The following LARP4B variants were observed in gnomAD, a reference collection of about 807,000 sequenced individuals.
LARP4B encodes the protein La ribonucleoprotein 4B.
A neutral mutation model predicts 89.8 loss-of-function variants in LARP4B; 12 were observed. That is an observed-to-expected ratio of 0.13 (90% CI 0.09 to 0.22). LARP4B has a LOEUF of 0.22. Ranked by LOEUF, LARP4B falls within the 10% of genes least tolerant of loss-of-function variation. LARP4B has a pLI of 1.00. For synonymous variants in LARP4B, 367 were observed against 363.3 expected (o/e 1.01, Z -0.12); for missense variants, 757 against 947.7 (o/e 0.80, Z 2.64).
rs1835530164 is a variant in LARP4B at position 878,192 on chromosome 10, C to T, written c.141+6255G>A. Among the ~76,000 whole-genome samples, 3 of 152,172 alleles carry T rather than the reference C, an allele frequency of 2.0e-5. No homozygotes were observed. In the South Asian group the frequency reaches 6.2e-4, roughly 32 times the overall value. On this transcript the variant is annotated intron_variant, in intron 3 of 17. Transcript: ENST00000316157. Reference sequence around the variant, plus strand: ...GTCAGAGAGGACAGGTGCCAGACTACGAAGGCTAGGGACCTGCCAGAACTC... The same window carrying T: ...GTCAGAGAGGACAGGTGCCAGACTATGAAGGCTAGGGACCTGCCAGAACTC...
Position 928,606 on chromosome 10 carries a change from C to G in LARP4B, c.-40+2822G>C, listed in dbSNP as rs148048951. Among the ~76,000 whole-genome samples the G allele has an allele frequency of 2.8e-4, 42 of 152,254 alleles. No individual in the cohort carries two copies. In the East Asian group the frequency reaches 8.1e-3, roughly 29 times the overall value. ...TGCATGTTTTGGGGGTGGGGGGAGA[C>G]AAGGTCTCACTGTTGTCCAGGATGG... On this transcript the variant is annotated intron_variant, in intron 1 of 17. Transcript: ENST00000316157.
intron 3 of LARP4B, among the ~76,000 whole-genome samples, chr10:872,385 A>G (rs1835259897): frequency 6.6e-6 from 1 of 152,154 alleles, no homozygotes; most frequent in Admixed American, 6.5e-5. Flanking sequence ...GGCACTGAAG[A>G]GCAACACTCT....
chr10:819,586 A>G (rs1832238204), intron 14 of LARP4B: 1 of 152,354 alleles, frequency 6.6e-6, no homozygotes, highest in Admixed American at 6.5e-5. Flanking sequence ...AGTCATGAAC[A>G]CATGCATCAG....
intron 1 of LARP4B, among the ~76,000 whole-genome samples, chr10:926,763 G>A (rs1444954434): frequency 3.3e-5 from 5 of 152,190 alleles, no homozygotes; most frequent in East Asian, 3.8e-4. Flanking sequence ...ATGGCCGGGC[G>A]CAGTGGCTCA....
chr10:844,932 A>C (rs529538890), intron 6 of LARP4B, 45 bp downstream of exon 6: 1 of 1,397,778 alleles, frequency 7.2e-7, no homozygotes, highest in South Asian at 1.2e-5. Context: ...CTATTTGCAC[A>C]ATACTAGAAA....
rs568357999 is a variant in LARP4B at position 856,510 on chromosome 10, A to G, written c.430+7233T>C. On this transcript the variant is annotated intron_variant, in intron 5 of 17. Coordinates refer to ENST00000316157, the MANE Select transcript of LARP4B (RefSeq NM_015155.3). ...TGGACAGACAGACAGATAAATAGAG[A>G]AGCGATCACAACATATGGAGCAGAA... is the stretch of plus-strand genomic sequence containing the variant. Among the ~76,000 whole-genome samples, 11 of 152,332 alleles carry G rather than the reference A, an allele frequency of 7.2e-5. No individual in the cohort carries two copies. The South Asian group carries it at 8.3e-4, about 11-fold the overall frequency.
chr10:900,805 G>C (rs1836321042), intron 1 of LARP4B, among the ~76,000 whole-genome samples: 1 of 151,150 alleles, frequency 6.6e-6, no homozygotes, highest in African/African-American at 2.4e-5. Context: ...TGTTTAGAGA[G>C]ACGATGTTTC....
chr10:841,067 T>C (rs1300131934), intron 7 of LARP4B, among the ~76,000 whole-genome samples: 1 of 152,138 alleles, frequency 6.6e-6, no homozygotes, highest in Non-Finnish European at 1.5e-5. Flanking sequence ...GGTAGGAGAA[T>C]TGCTTCAACA....
In LARP4B at chr10:917,759, A is replaced by G. The variant is rs564099200; in HGVS notation, c.-40+13669T>C. 3.9e-5 allele frequency among the ~76,000 whole-genome samples: 6 copies of G among 152,354 alleles called. No homozygotes were observed. The South Asian group carries it at 1.0e-3, about 26-fold the overall frequency. ...CCTTGAGGCTTTATAGTTGAATCCA[A>G]AATTCCTTATGAAAGTTCCAGCAAA... On this transcript the variant is annotated intron_variant, in intron 1 of 17. Coordinates refer to ENST00000316157, the MANE Select transcript of LARP4B (RefSeq NM_015155.3).
At chr10:964,446 G>C in the LARP4B span, among the ~76,000 whole-genome samples, 1 of 152,016 alleles carries the variant, frequency 6.6e-6, no homozygotes, top group African/African-American at 2.4e-5. Context: ...TGTGGGCTAG[G>C]GCACAGTCCC....
chr10:882,176 A>G (rs939149766), intron 3 of LARP4B, among the ~76,000 whole-genome samples: 1 of 152,182 alleles, frequency 6.6e-6, no homozygotes, highest in African/African-American at 2.4e-5. Context: ...TACACAACTC[A>G]GTAAATCTAC....
intron 13 of LARP4B, among the ~76,000 whole-genome samples, chr10:824,160 C>T (rs143084984): frequency 5.9e-5 from 9 of 152,240 alleles, no homozygotes; most frequent in African/African-American, 1.9e-4. Flanking sequence ...AAAATCCTGA[C>T]GGTCCTTACC....
chr10:910,551 G>A (rs1008952610), intron 1 of LARP4B, among the ~76,000 whole-genome samples: 6 of 152,168 alleles, frequency 3.9e-5, no homozygotes, highest in Non-Finnish European at 7.3e-5. Flanking sequence ...ATTTTACTTG[G>A]ACTGTTTTTC....
chr10:876,446 A>G (rs1029686388), intron 3 of LARP4B, among the ~76,000 whole-genome samples: 3 of 152,236 alleles, frequency 2.0e-5, no homozygotes, highest in African/African-American at 7.2e-5. Context: ...AGAAGAAGCA[A>G]GAGGTCCCAA....
intron 1 of LARP4B, among the ~76,000 whole-genome samples, chr10:905,998 A>G (rs181979812): frequency 1.6e-3 from 242 of 152,370 alleles, no homozygotes; most frequent in African/African-American, 5.6e-3. Flanking sequence ...TGCCCTGTGC[A>G]ATCAAAAGAA....
chr10:938,134 T>C, the LARP4B span, among the ~76,000 whole-genome samples: 1 of 152,184 alleles, frequency 6.6e-6, no homozygotes, highest in Non-Finnish European at 1.5e-5. Context: ...TCTGCCTGCC[T>C]CAGCCTCCCA....
At chr10:978,900 G>A in the LARP4B span, among the ~76,000 whole-genome samples, 298 of 152,124 alleles carry the variant, frequency 2.0e-3, 1 homozygote, top group African/African-American at 6.7e-3. Context: ...TCTGGGCATC[G>A]AATTCTAGTT....
the LARP4B span, among the ~76,000 whole-genome samples, chr10:936,940 G>A: frequency 6.6e-4 from 100 of 152,332 alleles, no homozygotes; most frequent in African/African-American, 2.1e-3. Flanking sequence ...CAGATACTAA[G>A]AAATATACGT....
At chr10:880,683 G>T (rs951394617) in intron 3 of LARP4B, among the ~76,000 whole-genome samples, 22 of 144,076 alleles carry the variant, frequency 1.5e-4, no homozygotes, top group Non-Finnish European at 2.8e-4. Flanking sequence ...GAGTGAGGCT[G>T]ACTCAAAAAA....
Sources: gnomAD v4.1 joint callset for allele counts (sites outside exome capture counted in the v4.1 genomes callset) on GRCh38, gnomAD v4.1.1 for gene constraint, MANE v1.5 for transcripts, NCBI Gene and HGNC (gene_info 2026-07-23, HGNC 2026-07-21) for gene names.